The following SLC35F3 variants were observed in gnomAD, a reference collection of about 807,000 sequenced individuals.
SLC35F3 encodes the protein putative thiamine transporter SLC35F3.
A neutral mutation model predicts 49.9 loss-of-function variants in SLC35F3; 25 were observed. That is an observed-to-expected ratio of 0.50 (90% CI 0.37 to 0.70). SLC35F3 has a LOEUF of 0.70. SLC35F3 is among the 30% of genes least tolerant of loss of function. SLC35F3 has a pLI of 0.00. For missense variants in SLC35F3, 525 were observed against 639.8 expected (o/e 0.82, Z 1.94); for synonymous variants, 275 against 265.4 (o/e 1.04, Z -0.35).
At chr1:234,202,551 A>C (rs933633964) in intron 2 of SLC35F3, among the ~76,000 whole-genome samples, 1 of 152,248 alleles carries the variant, frequency 6.6e-6, no homozygotes, top group African/African-American at 2.4e-5. Context: ...GATGCCTGTG[A>C]ATGACGTGCT....
chr1:234,271,126 A>C (rs146380019), intron 3 of SLC35F3, among the ~76,000 whole-genome samples: 4 of 152,236 alleles, frequency 2.6e-5, no homozygotes, highest in African/African-American at 4.8e-5. Flanking sequence ...TGAAGTTCAA[A>C]TCATAGGCTT....
intron 2 of SLC35F3, among the ~76,000 whole-genome samples, chr1:234,201,302 G>T (rs1666896889): frequency 6.6e-6 from 1 of 152,256 alleles, no homozygotes. Flanking sequence ...ACATTTTGCA[G>T]TGAAAGTGAT....
chr1:234,247,862 C>CATTGTTTGATGGGTCAGTTGGCTGGTGG (rs1667664242), intron 3 of SLC35F3, among the ~76,000 whole-genome samples: 1 of 151,798 alleles, frequency 6.6e-6, no homozygotes, highest in African/African-American at 2.4e-5. Flanking sequence ...TTGGCTGGTG[C>CATTGTTTGATGGGTCAGTTGGCTGGTGG]ATTGTTTGAT....
In SLC35F3 at chr1:234,281,986, T is replaced by A. The variant is rs151156221; in HGVS notation, c.609-27115T>A. ...GCTGAGGCTCGGCTTAAGCGCTGTT[T>A]TTTTCCAAAGCACGCATGTCCCCTG... On this transcript the variant is annotated intron_variant, in intron 3 of 7. Coordinates refer to ENST00000366618, the MANE Select transcript of SLC35F3 (RefSeq NM_173508.4). 5.3e-3 allele frequency among the ~76,000 whole-genome samples: 809 copies of A among 152,064 alleles called. 7 individuals carry two copies. Among genetic ancestry groups the A allele is most frequent in the Middle Eastern group, 0.041 (12 of 294 alleles).
chr1:234,166,552 G>A (rs954261922), intron 2 of SLC35F3, among the ~76,000 whole-genome samples: 12 of 152,148 alleles, frequency 7.9e-5, no homozygotes, highest in Non-Finnish European at 2.9e-5. Context: ...AGCCAAGCTG[G>A]GGCTTAGACT....
rs1478216426 is a variant in SLC35F3, at chr1:234,143,288, C to CTTTTCTTTTCTTTT, written c.284-88125_284-88124insCTTTTCTTTTTTTT. On this transcript the variant is annotated intron_variant, in intron 2 of 7. Transcript: ENST00000366618. ...GAGTTTGACTCTTTTCTTTTCTTTTCTTTTTTTTTTTTTTTTTGAGATAAA... is the reference window on the plus strand; with the variant it reads ...GAGTTTGACTCTTTTCTTTTCTTTTCTTTTCTTTTCTTTTTTTTTTTTTTTTTTTTTGAGATAAA... 5.8e-4 allele frequency among the ~76,000 whole-genome samples: 72 copies of CTTTTCTTTTCTTTT among 123,520 alleles called. 1 individual carries two copies. The South Asian group carries it at 0.012, about 21-fold the overall frequency. 81.0% of individuals were successfully genotyped at this position (123,520 alleles called of 152,430 possible).
intron 2 of SLC35F3, among the ~76,000 whole-genome samples, chr1:234,110,597 A>G (rs570519841): frequency 3.9e-5 from 6 of 152,386 alleles, no homozygotes; most frequent in South Asian, 2.1e-4. Flanking sequence ...AATACAGCCA[A>G]TCTTTTTAGT....
intron 2 of SLC35F3, among the ~76,000 whole-genome samples, chr1:234,127,601 G>GT (rs1463058393): frequency 6.6e-6 from 1 of 152,112 alleles, no homozygotes; most frequent in Non-Finnish European, 1.5e-5. Context: ...AACAAGGAGT[G>GT]TTTTTTTAAT....
intron 2 of SLC35F3, among the ~76,000 whole-genome samples, chr1:234,038,971 G>A (rs569853204): frequency 2.6e-5 from 4 of 152,316 alleles, no homozygotes; most frequent in Non-Finnish European, 5.9e-5. Context: ...CAAGCTGTGA[G>A]GAAAGCATGG....
intron 2 of SLC35F3, among the ~76,000 whole-genome samples, chr1:234,095,489 G>A (rs983446499): frequency 2.0e-5 from 3 of 152,226 alleles, no homozygotes; most frequent in East Asian, 3.8e-4. Flanking sequence ...CAAGAGAAGT[G>A]ATGTGACTGG....
chr1:234,054,530 A>G (rs1664426925), intron 2 of SLC35F3, among the ~76,000 whole-genome samples: 1 of 152,200 alleles, frequency 6.6e-6, no homozygotes, highest in Non-Finnish European at 1.5e-5. Context: ...TATTCTAGTT[A>G]GCCATTCATC....
At chr1:234,164,699 T>C (rs944427259) in intron 2 of SLC35F3, among the ~76,000 whole-genome samples, 1 of 152,038 alleles carries the variant, frequency 6.6e-6, no homozygotes, top group Admixed American at 6.5e-5. Flanking sequence ...AGTCCTCCCA[T>C]GTGAATGAGA....
intron 3 of SLC35F3, chr1:234,268,876 T>C (rs1320299637): frequency 1.3e-5 from 2 of 152,226 alleles, no homozygotes; most frequent in Non-Finnish European, 2.9e-5. Flanking sequence ...ATTAATACAG[T>C]GTGATTCCAC....
At position 234,198,995 on chromosome 1, in the gene SLC35F3, G is replaced by T. The variant is rs116469798; in HGVS notation, c.284-32422G>T. ...GAACATTGGGAGACCAAGGCAGAAGGATACCTTGATTCCAGGAGTTCAAGC... is the reference window on the plus strand; with the variant it reads ...GAACATTGGGAGACCAAGGCAGAAGTATACCTTGATTCCAGGAGTTCAAGC... On this transcript the variant is annotated intron_variant, in intron 2 of 7. Coordinates refer to ENST00000366618, the MANE Select transcript of SLC35F3 (RefSeq NM_173508.4). Among the ~76,000 whole-genome samples the T allele has an allele frequency of 3.6e-3, 538 of 151,050 alleles. 3 individuals are homozygous for T. The highest frequency in any genetic ancestry group is 0.012 in the African/African-American group (508 of 41,238).
At chr1:234,204,511 C>G (rs1291696128) in intron 2 of SLC35F3, among the ~76,000 whole-genome samples, 1 of 152,186 alleles carries the variant, frequency 6.6e-6, no homozygotes. Context: ...CCTAAAGCTT[C>G]ACCTCAGATG....
chr1:234,180,726 A>C (rs912768512), intron 2 of SLC35F3, among the ~76,000 whole-genome samples: 2 of 152,340 alleles, frequency 1.3e-5, no homozygotes, highest in Admixed American at 6.5e-5. Context: ...GGAACCTTGG[A>C]GTAAAGTGTT....
chr1:234,176,161 TGAAACAAATTCTG>T (rs1262720506), intron 2 of SLC35F3, among the ~76,000 whole-genome samples: 4 of 152,112 alleles, frequency 2.6e-5, no homozygotes, highest in Non-Finnish European at 1.5e-5. Flanking sequence ...GAGTTCCGCA[TGAAACAAATTCTG>T]CCGCCAAGAA....
At chr1:233,960,972 A>G (rs1158542291) in intron 2 of SLC35F3, among the ~76,000 whole-genome samples, 4 of 151,258 alleles carry the variant, frequency 2.6e-5, no homozygotes, top group African/African-American at 9.7e-5. Flanking sequence ...GATCAAAACA[A>G]CCTCATGGAG....
At chr1:234,199,199 G>A (rs1419056620) in intron 2 of SLC35F3, among the ~76,000 whole-genome samples, 1 of 151,986 alleles carries the variant, frequency 6.6e-6, no homozygotes, top group East Asian at 1.9e-4. Flanking sequence ...CCACACTCCA[G>A]CCTGGGCAAC....
Sources: gnomAD v4.1 joint callset for allele counts (sites outside exome capture counted in the v4.1 genomes callset) on GRCh38, gnomAD v4.1.1 for gene constraint, MANE v1.5 for transcripts, NCBI Gene and HGNC (gene_info 2026-07-23, HGNC 2026-07-21) for gene names.